ACAP2: variants seen among roughly 807,000 people sequenced by gnomAD.
ACAP2 encodes the protein arf-GAP with coiled-coil, ANK repeat and PH domain-containing protein 2.
In ACAP2, 39 loss-of-function variants were observed where a neutral mutation model predicts 115.8. The observed-to-expected ratio is 0.34, with a 90% CI of 0.26 to 0.44. The LOEUF (loss-of-function observed/expected upper bound fraction) is 0.44, where lower values mean the gene tolerates loss of function less well. Ranked by LOEUF, ACAP2 falls within the 20% of genes least tolerant of loss-of-function variation. The pLI, the probability that ACAP2 is intolerant of heterozygous loss-of-function variation, is 1.00. For synonymous variants in ACAP2, 289 were observed against 315.8 expected (o/e 0.92, Z 0.90); for missense variants, 662 against 927.6 (o/e 0.71, Z 3.72).
intron 1 of ACAP2, among the ~76,000 whole-genome samples, chr3:195,392,502 T>C (rs1469756051): frequency 6.6e-6 from 1 of 152,210 alleles, no homozygotes; most frequent in Non-Finnish European, 1.5e-5. Context: ...ACAAAACACA[T>C]GCAACCAAAC....
chr3:195,355,169 T>C (rs148608410), intron 4 of ACAP2, among the ~76,000 whole-genome samples: 27 of 152,284 alleles, frequency 1.8e-4, no homozygotes, highest in Admixed American at 1.6e-3. Flanking sequence ...CTATATACTT[T>C]TAATACTTCC....
At chr3:195,300,657 G>A (rs1012201845) in intron 15 of ACAP2, among the ~76,000 whole-genome samples, 3 of 152,136 alleles carry the variant, frequency 2.0e-5, no homozygotes, top group African/African-American at 7.2e-5. Flanking sequence ...ATGAAGTTTA[G>A]TATAGCAATA....
chr3:195,291,862 A>G lies in ACAP2; in HGVS notation c.1954-47T>C, dbSNP rs772029419. On this transcript the variant is annotated intron_variant, in intron 19 of 22. Coordinates refer to ENST00000326793, the MANE Select transcript of ACAP2 (RefSeq NM_012287.6). Reference sequence around the variant, plus strand: ...ACTATAGACAAAAGCAAATAACAAGAAACAACAATACATTTCTTTTTAAAA... The same window carrying G: ...ACTATAGACAAAAGCAAATAACAAGGAACAACAATACATTTCTTTTTAAAA... 3 of 1,490,812 alleles carry G rather than the reference A, an allele frequency of 2.0e-6. No homozygotes were observed. The African/African-American group carries it at 4.2e-5, about 21-fold the overall frequency. 92.3% of individuals were successfully genotyped at this position (1,490,812 alleles called of 1,614,324 possible).
At position 195,308,835 on chromosome 3, in the gene ACAP2, C is replaced by A; in HGVS notation, c.860G>T (p.Arg287Leu). The A allele has an allele frequency of 6.2e-7, 1 of 1,606,832 alleles. No homozygotes were observed. Among genetic ancestry groups the A allele is most frequent in the Non-Finnish European group, 8.5e-7 (1 of 1,177,818 alleles). Residue 287 changes from arginine to leucine, a missense_variant and splice_region_variant, in exon 11 of 23, where the codon CGC (arginine) becomes CTC (leucine). Physicochemically the swap from Arg to Leu is moderately radical, Grantham distance 102. Transcript: ENST00000326793. ...ASNAFKTWNR[R>L]WFSIQNNQLV... ...CTGATTATTCTGTATTGAAAACCAGCGCCTACAGAAACACAAAATAGATTA... is the reference window on the plus strand; with the variant it reads ...CTGATTATTCTGTATTGAAAACCAGAGCCTACAGAAACACAAAATAGATTA...
At chr3:195,292,921 CA>C (rs3988217) in intron 18 of ACAP2, among the ~76,000 whole-genome samples, 994 of 76,674 alleles carry the variant, frequency 0.013, 13 homozygotes, top group African/African-American at 0.046. Flanking sequence ...GACTCAGTCT[CA>C]AAAAAAAAAA....
chr3:195,315,348 G>C (rs1253264521), intron 10 of ACAP2, among the ~76,000 whole-genome samples: 1 of 152,188 alleles, frequency 6.6e-6, no homozygotes, highest in Non-Finnish European at 1.5e-5. Flanking sequence ...TTACAAGTCA[G>C]AATTTTACTA....
intron 15 of ACAP2, 29 bp from the exon 16 acceptor site, chr3:195,297,310 A>T: frequency 6.3e-7 from 1 of 1,588,890 alleles, no homozygotes; most frequent in South Asian, 1.1e-5. Context: ...TAGAAAAATA[A>T]GCTATACATT....
chr3:195,398,666 T>G (rs1289895547), intron 1 of ACAP2, among the ~76,000 whole-genome samples: 1 of 151,432 alleles, frequency 6.6e-6, no homozygotes, highest in Admixed American at 6.6e-5. Context: ...AATAAATAAA[T>G]AAATAAATAA....
intron 4 of ACAP2, among the ~76,000 whole-genome samples, chr3:195,364,311 T>G (rs12489620): frequency 0.021 from 3,267 of 152,208 alleles, 114 homozygotes; most frequent in East Asian, 0.1. Flanking sequence ...AAAAAAGACA[T>G]ACAAATGGCC....
Position 195,278,709 on chromosome 3 carries a change from T to C in ACAP2, c.*619A>G, listed in dbSNP as rs1423704958. 6.6e-6 allele frequency: 1 copy of C among 151,944 alleles called. No homozygotes were observed. Among genetic ancestry groups the C allele is most frequent in the African/African-American group, 2.4e-5 (1 of 41,348 alleles). The allele number at this position is 151,944 out of a possible 1,614,324, so 9.4% of individuals were successfully genotyped here. A position where few individuals can be genotyped will look rare whatever the true frequency, so the allele number is the denominator to read the frequency against. On this transcript the variant is annotated 3_prime_UTR_variant, in exon 23 of 23. Coordinates refer to ENST00000326793, the MANE Select transcript of ACAP2 (RefSeq NM_012287.6). ...TACCTGTACAGCCATTATACATACA[T>C]ACATTAAAGTACTGGACAATAACCT...
At position 195,313,341 on chromosome 3, in the gene ACAP2, G is replaced by A. The variant is rs151172220; in HGVS notation, c.858-4504C>T. On this transcript the variant is annotated intron_variant, in intron 10 of 22. Transcript: ENST00000326793. ...CTATAAAATATAGATAGCACCTCGCGCCTCATCTTAATAAGCTGCTCCTAA... is the reference window on the plus strand; with the variant it reads ...CTATAAAATATAGATAGCACCTCGCACCTCATCTTAATAAGCTGCTCCTAA... 4.1e-4 allele frequency among the ~76,000 whole-genome samples: 62 copies of A among 152,198 alleles called. No individual in the cohort carries two copies. The East Asian group carries it at 8.5e-3, about 21-fold the overall frequency.
chr3:195,390,906 G>A (rs1004664425), intron 2 of ACAP2, among the ~76,000 whole-genome samples: 6 of 152,152 alleles, frequency 3.9e-5, no homozygotes, highest in Admixed American at 1.3e-4. Context: ...ATCGGAAGCT[G>A]TCTTACTCAT....
intron 1 of ACAP2, chr3:195,410,984 T>C: frequency 2.6e-6 from 1 of 390,404 alleles, no homozygotes; most frequent in South Asian, 1.9e-5. Context: ...GCTGGCATCT[T>C]TATCTTGGAC....
chr3:195,429,655 G>T (rs1013506749), intron 1 of ACAP2, among the ~76,000 whole-genome samples: 6 of 152,000 alleles, frequency 3.9e-5, no homozygotes, highest in African/African-American at 7.2e-5. Flanking sequence ...GTACAATTGT[G>T]CATTTCAATG....
chr3:195,421,600 A>G (rs372721052), intron 1 of ACAP2, among the ~76,000 whole-genome samples: 5 of 152,240 alleles, frequency 3.3e-5, no homozygotes, highest in East Asian at 1.9e-4. Flanking sequence ...AGGAAAGATT[A>G]CATACTGCTT....
chr3:195,293,904 C>A (rs377325595), intron 18 of ACAP2, among the ~76,000 whole-genome samples: 1 of 149,490 alleles, frequency 6.7e-6, no homozygotes, highest in African/African-American at 2.5e-5. Flanking sequence ...GAGGCCGAGG[C>A]GGGTGGATCA....
In ACAP2 at chr3:195,350,204, T is replaced by C. The variant is rs1473153678; in HGVS notation, c.286-4887A>G. 2.6e-5 allele frequency among the ~76,000 whole-genome samples: 4 copies of C among 152,232 alleles called. No homozygotes were observed. The South Asian group carries it at 8.3e-4, about 32-fold the overall frequency. Reference sequence around the variant, plus strand: ...AACGCAATTCCACTCCAAATCTCAGTAGAAACTGAAAAGTTGATTCTAAAA... The same window carrying C: ...AACGCAATTCCACTCCAAATCTCAGCAGAAACTGAAAAGTTGATTCTAAAA... On this transcript the variant is annotated intron_variant, in intron 4 of 22. Coordinates refer to ENST00000326793, the MANE Select transcript of ACAP2 (RefSeq NM_012287.6).
At chr3:195,401,593 G>A (rs539891358) in intron 1 of ACAP2, among the ~76,000 whole-genome samples, 1 of 152,180 alleles carries the variant, frequency 6.6e-6, no homozygotes, top group African/African-American at 2.4e-5. Context: ...CTTGAACCCG[G>A]GAGGCAGAGG....
At chr3:195,306,088 T>C (rs1728401902) in intron 13 of ACAP2, among the ~76,000 whole-genome samples, 1 of 152,146 alleles carries the variant, frequency 6.6e-6, no homozygotes, top group Non-Finnish European at 1.5e-5. Flanking sequence ...GAGGCCAGAC[T>C]ATGACCTAAG....
Sources: allele counts gnomAD v4.1 joint callset (sites outside exome capture counted in the v4.1 genomes callset), GRCh38; gene constraint gnomAD v4.1.1; transcripts MANE v1.5; gene names NCBI Gene and HGNC (gene_info 2026-07-23, HGNC 2026-07-21).